METTL15: variants seen among roughly 807,000 people sequenced by gnomAD.
METTL15 encodes 12S rRNA N(4)-cytidine methyltransferase METTL15.
METTL15 carries 34 observed loss-of-function variants against 38.3 expected under a neutral mutation model. That is an observed-to-expected ratio of 0.89 (90% CI 0.68 to 1.18). The LOEUF is 1.18. Ranked by LOEUF, METTL15 falls within the 50% of genes most tolerant of loss-of-function variation. The pLI is 0.00. For synonymous variants in METTL15, 162 were observed against 170.9 expected (o/e 0.95, Z 0.41); for missense variants, 438 against 498.4 (o/e 0.88, Z 1.15).
chr11:28,155,968 G>C (rs768531887), intron 3 of METTL15, among the ~76,000 whole-genome samples: 5 of 152,208 alleles, frequency 3.3e-5, no homozygotes, highest in Non-Finnish European at 7.4e-5. Flanking sequence ...TTAATAGCGC[G>C]ATCTTCATTT....
intron 6 of METTL15, among the ~76,000 whole-genome samples, chr11:28,465,571 A>G (rs1032911670): frequency 6.6e-6 from 1 of 152,036 alleles, no homozygotes; most frequent in African/African-American, 2.4e-5. Flanking sequence ...TCTGCATCCT[A>G]TCTTTTCTTT....
intron 3 of METTL15, among the ~76,000 whole-genome samples, chr11:28,159,548 G>T (rs1398605995): frequency 6.6e-6 from 1 of 151,992 alleles, no homozygotes; most frequent in East Asian, 1.9e-4. Flanking sequence ...CTATGACCAC[G>T]TGACCAGCTG....
In METTL15 at chr11:28,151,006, C is replaced by CAAAAAA. The variant is rs34906623; in HGVS notation, c.270+37416_270+37421dup. On this transcript the variant is annotated intron_variant, in intron 3 of 6. Transcript: ENST00000407364. Reference sequence around the variant, plus strand: ...CCATCTGTTCAGAGGCAACAGTGACCAAAAAAAAAAAAAAAAAAAGAAAAG... The same window carrying CAAAAAA: ...CCATCTGTTCAGAGGCAACAGTGACCAAAAAAAAAAAAAAAAAAAAAAAAAGAAAAG... Among the ~76,000 whole-genome samples the CAAAAAA allele has an allele frequency of 5.3e-4, 44 of 83,800 alleles. 1 individual carries two copies. The highest frequency in any genetic ancestry group is 9.1e-4 in the East Asian group (3 of 3,292). 55.0% of individuals were successfully genotyped at this position (83,800 alleles called of 152,430 possible). A position where few individuals can be genotyped will look rare whatever the true frequency, so the allele number is the denominator to read the frequency against.
chr11:28,344,239 A>T (rs191698881), intron 3 of METTL15, among the ~76,000 whole-genome samples: 130 of 152,314 alleles, frequency 8.5e-4, no homozygotes, highest in Non-Finnish European at 1.5e-3. Flanking sequence ...GAATGCACAT[A>T]TTCACATTAT....
At chr11:28,259,591 A>G (rs1229440586) in intron 4 of METTL15, among the ~76,000 whole-genome samples, 1 of 152,158 alleles carries the variant, frequency 6.6e-6, no homozygotes, top group Admixed American at 6.5e-5. Context: ...TGTTCTCTCC[A>G]TTGCACATGT....
intron 3 of METTL15, among the ~76,000 whole-genome samples, chr11:28,153,472 G>A (rs1324523733): frequency 1.3e-5 from 2 of 152,044 alleles, no homozygotes; most frequent in African/African-American, 4.8e-5. Context: ...CATGGATGGG[G>A]AACCCATTAA....
At chr11:28,449,843 T>C (rs1851105953) in intron 6 of METTL15, among the ~76,000 whole-genome samples, 1 of 152,146 alleles carries the variant, frequency 6.6e-6, no homozygotes, top group South Asian at 2.1e-4. Context: ...CCAGCCGAGA[T>C]CAGCCTTCCA....
chr11:28,424,072 G>C (rs1850844807), intron 5 of METTL15, among the ~76,000 whole-genome samples: 1 of 151,972 alleles, frequency 6.6e-6, no homozygotes, highest in East Asian at 1.9e-4. Flanking sequence ...TGCATTTTTA[G>C]AGCCCTTTAT....
At chr11:28,532,383 T>G in the METTL15 span, among the ~76,000 whole-genome samples, 1 of 152,098 alleles carries the variant, frequency 6.6e-6, no homozygotes, top group Non-Finnish European at 1.5e-5. Context: ...GGAAATTTCC[T>G]ATTTGTGTGT....
chr11:28,202,534 TATC>T (rs1267813439), intron 3 of METTL15, among the ~76,000 whole-genome samples: 1 of 152,060 alleles, frequency 6.6e-6, no homozygotes, highest in Non-Finnish European at 1.5e-5. Context: ...ATCTACCTGT[TATC>T]ATCTCTTCTA....
At chr11:28,370,128 G>T (rs1158338551) in intron 5 of METTL15, among the ~76,000 whole-genome samples, 1 of 152,056 alleles carries the variant, frequency 6.6e-6, no homozygotes, top group Non-Finnish European at 1.5e-5. Context: ...ACTGTAAACT[G>T]TAGTTACATA....
At chr11:28,283,129 A>G (rs1303641112) in intron 4 of METTL15, among the ~76,000 whole-genome samples, 1 of 152,190 alleles carries the variant, frequency 6.6e-6, no homozygotes, top group Non-Finnish European at 1.5e-5. Flanking sequence ...AGAGTGTTAC[A>G]TCCTAGGAGG....
chr11:28,464,250 A>T (rs911904664), intron 6 of METTL15, among the ~76,000 whole-genome samples: 18 of 152,300 alleles, frequency 1.2e-4, no homozygotes, highest in African/African-American at 4.1e-4. Context: ...AATAGCTAAA[A>T]ATATATATAT....
chr11:28,243,211 A>G (rs1041232122), intron 4 of METTL15, among the ~76,000 whole-genome samples: 3 of 152,154 alleles, frequency 2.0e-5, no homozygotes, highest in African/African-American at 4.8e-5. Context: ...TGTTGCCGTC[A>G]TTGATGTAAG....
chr11:28,259,211 C>G (rs1480636490), intron 4 of METTL15, among the ~76,000 whole-genome samples: 1 of 152,036 alleles, frequency 6.6e-6, no homozygotes, highest in African/African-American at 2.4e-5. Flanking sequence ...TTATGATTGA[C>G]CAGTACCCTG....
At chr11:28,518,532 A>G (rs1851738206) in intron 6 of METTL15, among the ~76,000 whole-genome samples, 1 of 152,240 alleles carries the variant, frequency 6.6e-6, no homozygotes, top group African/African-American at 2.4e-5. Flanking sequence ...TTGATAATTG[A>G]AACAGTTTGG....
intron 6 of METTL15, among the ~76,000 whole-genome samples, chr11:28,523,321 T>C (rs1851783198): frequency 6.6e-6 from 1 of 152,214 alleles, no homozygotes; most frequent in African/African-American, 2.4e-5. Context: ...AAATAATATA[T>C]GTCATTACAT....
rs1009832245 is a variant in METTL15 at position 28,231,136 on chromosome 11, A to G, written c.407+19938A>G. Among the ~76,000 whole-genome samples the G allele has an allele frequency of 3.9e-5, 6 of 151,910 alleles. No homozygotes were observed. The East Asian group carries it at 5.8e-4, about 15-fold the overall frequency. On this transcript the variant is annotated intron_variant, in intron 4 of 6. Transcript: ENST00000407364. Reference sequence around the variant, plus strand: ...TGTTTTGGGGCAGATATTAAATCATATTCTGGTATTACAGCTGGATAAAAA... The same window carrying G: ...TGTTTTGGGGCAGATATTAAATCATGTTCTGGTATTACAGCTGGATAAAAA...
chr11:28,211,233 G>C (rs775995227), intron 4 of METTL15, 35 bp downstream of exon 4: 5 of 1,580,258 alleles, frequency 3.2e-6, no homozygotes, highest in Non-Finnish European at 4.3e-6. Context: ...TTTGATTTTG[G>C]TTCTTAGTTT....
Sources: allele counts gnomAD v4.1 joint callset (sites outside exome capture counted in the v4.1 genomes callset), GRCh38; gene constraint gnomAD v4.1.1; transcripts MANE v1.5; gene names NCBI Gene and HGNC (gene_info 2026-07-23, HGNC 2026-07-21).